Variants in ABI3BP observed in about 807,000 individuals in gnomAD.
ABI3BP encodes the protein ABI family member 3 binding protein.
In ABI3BP, 216 loss-of-function variants were observed where a neutral mutation model predicts 268.6. The observed-to-expected ratio is 0.80, with a 90% CI of 0.72 to 0.90. ABI3BP has a LOEUF of 0.90. Ranked by LOEUF, ABI3BP falls within the 40% of genes least tolerant of loss-of-function variation. ABI3BP has a pLI of 0.00. For synonymous variants in ABI3BP, 730 were observed against 730.0 expected, an observed-to-expected ratio of 1.00 and a Z score of 0.00; for missense variants, 2,090 against 2,182.4, an observed-to-expected ratio of 0.96 and a Z score of 0.84.
chr3:100,822,734 T>C (rs2098266948), intron 37 of ABI3BP, 62 bp from the exon 38 acceptor site: 1 of 1,456,314 alleles, frequency 6.9e-7, no homozygotes, highest in Admixed American at 2.0e-5. Context: ...GGAAGCTGTG[T>C]GAGGTAAAAA....
chr3:100,834,625 C>T (rs1300459406), intron 29 of ABI3BP, 59 bp downstream of exon 29: 3 of 1,479,916 alleles, frequency 2.0e-6, no homozygotes, highest in East Asian at 2.5e-5. Context: ...TGTTAAACTG[C>T]CACCCCCATG....
intron 1 of ABI3BP, among the ~76,000 whole-genome samples, chr3:100,947,305 C>T (rs540375208): frequency 2.6e-4 from 40 of 152,178 alleles, no homozygotes; most frequent in African/African-American, 9.1e-4. Flanking sequence ...ATTAAAATTT[C>T]CTCATCTAGT....
chr3:100,811,161 C>G, intron 48 of ABI3BP, 69 bp downstream of exon 48: 1 of 1,315,806 alleles, frequency 7.6e-7, no homozygotes. Flanking sequence ...GAGAGAGACC[C>G]AGAGGTTCTC....
intron 57 of ABI3BP, among the ~76,000 whole-genome samples, chr3:100,786,349 T>G (rs768899067): frequency 2.6e-5 from 4 of 152,178 alleles, no homozygotes; most frequent in Non-Finnish European, 4.4e-5. Flanking sequence ...GGATACATTA[T>G]TATAAAGTTG....
At chr3:100,907,133 T>C (rs1024971966) in intron 2 of ABI3BP, among the ~76,000 whole-genome samples, 1 of 152,224 alleles carries the variant, frequency 6.6e-6, no homozygotes. Flanking sequence ...TTAACCTCTG[T>C]GTACCTCAGT....
intron 62 of ABI3BP, among the ~76,000 whole-genome samples, chr3:100,767,146 C>T (rs1314439670): frequency 1.3e-5 from 2 of 152,056 alleles, no homozygotes; most frequent in Admixed American, 6.6e-5. Context: ...TGCCATGTTG[C>T]CCAGGCTGGT....
chr3:100,843,463 G>GC (rs1169203028), intron 20 of ABI3BP, among the ~76,000 whole-genome samples: 1 of 150,890 alleles, frequency 6.6e-6, no homozygotes, highest in Admixed American at 6.6e-5. Context: ...AGGAGGGAGA[G>GC]TGTGTGTATG....
chr3:100,800,368 T>TA (rs1198653444), intron 51 of ABI3BP, among the ~76,000 whole-genome samples: 2 of 152,218 alleles, frequency 1.3e-5, no homozygotes, highest in African/African-American at 4.8e-5. Flanking sequence ...TTGAAGTGCT[T>TA]AGCATAACCT....
chr3:100,944,025 A>C (rs995209966), intron 1 of ABI3BP, among the ~76,000 whole-genome samples: 2 of 152,090 alleles, frequency 1.3e-5, no homozygotes, highest in African/African-American at 4.8e-5. Flanking sequence ...CGCAGATAAA[A>C]CCATATAATG....
intron 1 of ABI3BP, among the ~76,000 whole-genome samples, chr3:100,985,036 T>C (rs192636145): frequency 6.6e-6 from 1 of 151,986 alleles, no homozygotes; most frequent in Non-Finnish European, 1.5e-5. Context: ...TTCCATCACA[T>C]CCACTGATAA....
chr3:100,787,681 CT>C, intron 57 of ABI3BP, 46 bp downstream of exon 57: 1 of 1,406,270 alleles, frequency 7.1e-7, no homozygotes, highest in Non-Finnish European at 9.5e-7. Flanking sequence ...TTAAATAACA[CT>C]TATAGTTTTG....
At chr3:100,808,277 A>G in intron 49 of ABI3BP, 42 bp from the exon 50 acceptor site, 2 of 1,472,316 alleles carry the variant, frequency 1.4e-6, no homozygotes, top group Non-Finnish European at 1.9e-6. Flanking sequence ...GAGCCCTTCA[A>G]GAATGACAGT....
chr3:100,869,852 T>A (rs2099093254), intron 9 of ABI3BP, among the ~76,000 whole-genome samples: 1 of 152,182 alleles, frequency 6.6e-6, no homozygotes, highest in South Asian at 2.1e-4. Flanking sequence ...TTCCTCTATT[T>A]CTTCTGTACA....
At chr3:100,926,243 G>T (rs1029022661) in intron 2 of ABI3BP, 59 bp downstream of exon 2, 6 of 1,556,750 alleles carry the variant, frequency 3.9e-6, no homozygotes, top group Non-Finnish European at 5.3e-6. Context: ...TGTAGGTCAT[G>T]TTACACCCCC....
Position 100,806,953 on chromosome 3 carries a change from T to C in ABI3BP, c.3682+1208A>G, listed in dbSNP as rs146046976. On this transcript the variant is annotated intron_variant, in intron 50 of 67. Coordinates refer to ENST00000471714, the MANE Select transcript of ABI3BP (RefSeq NM_001375547.2). ...AAAGTACAGCTCAAAAAGATAAAAC[T>C]GCAAATAAATTTTTCCTATTACTTC... is the stretch of plus-strand genomic sequence containing the variant. Among the ~76,000 whole-genome samples, 653 of 152,226 alleles carry C rather than the reference T, an allele frequency of 4.3e-3. 6 individuals are homozygous for C. Among genetic ancestry groups the C allele is most frequent in the Non-Finnish European group, 6.6e-3 (446 of 67,972 alleles).
chr3:100,951,574 T>G (rs1247000286), intron 1 of ABI3BP, among the ~76,000 whole-genome samples: 2 of 151,972 alleles, frequency 1.3e-5, no homozygotes, highest in Admixed American at 6.6e-5. Context: ...GCGGTCAGGC[T>G]CCAACCATCA....
At chr3:100,822,427 C>G (rs1488289591) in intron 38 of ABI3BP, among the ~76,000 whole-genome samples, 162 bp downstream of exon 38, 1 of 152,222 alleles carries the variant, frequency 6.6e-6, no homozygotes, top group East Asian at 1.9e-4. Flanking sequence ...GATCTCCTAA[C>G]AGTGTTTCTC....
At chr3:100,993,216 T>C (rs2093230076) in intron 1 of ABI3BP, 90 bp downstream of exon 1, 1 of 928,028 alleles carries the variant, frequency 1.1e-6, no homozygotes. Context: ...ATTCCCCCCG[T>C]ATGGTAAAGC....
chr3:100,818,378 C>A (rs535585098), intron 41 of ABI3BP, 147 bp downstream of exon 41: 2 of 729,170 alleles, frequency 2.7e-6, no homozygotes, highest in Non-Finnish European at 4.5e-6. Context: ...TAATGTGACA[C>A]AGAGCCTAGC....
Sources: gnomAD v4.1 joint callset for allele counts (sites outside exome capture counted in the v4.1 genomes callset) on GRCh38, gnomAD v4.1.1 for gene constraint, MANE v1.5 for transcripts, NCBI Gene and HGNC (gene_info 2026-07-23, HGNC 2026-07-21) for gene names.